Variants in NME7 observed in about 807,000 individuals in gnomAD.
NME7 encodes the protein nucleoside diphosphate kinase 7.
Under a neutral mutation model 49.1 loss-of-function variants are expected in NME7, and 41 were observed. The observed-to-expected ratio is 0.83, with a 90% CI of 0.65 to 1.08. NME7 has a LOEUF of 1.08. Among genes scored for constraint, NME7 ranks in the 50% least tolerant of loss-of-function variants. The pLI, the probability that NME7 is intolerant of heterozygous loss-of-function variation, is 0.00. For missense variants in NME7, 423 were observed against 463.4 expected, an observed-to-expected ratio of 0.91 and a Z score of 0.80; for synonymous variants, 139 against 150.6, an observed-to-expected ratio of 0.92 and a Z score of 0.56.
intron 1 of NME7, among the ~76,000 whole-genome samples, chr1:169,352,947 C>T (rs1653233684): frequency 1.3e-5 from 2 of 151,906 alleles, no homozygotes; most frequent in Admixed American, 6.6e-5. Context: ...TGGAAAGAAT[C>T]AATATTGTTA....
chr1:169,152,463 G>A (rs187366009), intron 11 of NME7, among the ~76,000 whole-genome samples: 2 of 152,294 alleles, frequency 1.3e-5, no homozygotes, highest in African/African-American at 4.8e-5. Flanking sequence ...TTGCTGTACT[G>A]AAAGTACTTA....
chr1:169,198,022 A>C (rs1338623425), intron 10 of NME7, among the ~76,000 whole-genome samples: 1 of 152,080 alleles, frequency 6.6e-6, no homozygotes, highest in Non-Finnish European at 1.5e-5. Flanking sequence ...AATAAAAATG[A>C]CTTAATTTAA....
At chr1:169,280,122 C>G (rs890111985) in intron 7 of NME7, among the ~76,000 whole-genome samples, 7 of 152,208 alleles carry the variant, frequency 4.6e-5, no homozygotes, top group Admixed American at 2.0e-4. Context: ...TCTCCAGCAT[C>G]TGTCATGTCC....
In NME7 at chr1:169,240,093, T is replaced by A. The variant is rs956808885; in HGVS notation, c.755-2406A>T. Among the ~76,000 whole-genome samples, 3 of 152,074 alleles carry A rather than the reference T, an allele frequency of 2.0e-5. No homozygotes were observed. The East Asian group carries it at 5.8e-4, about 29-fold the overall frequency. On this transcript the variant is annotated intron_variant, in intron 7 of 11. Coordinates refer to ENST00000367811, the MANE Select transcript of NME7 (RefSeq NM_013330.5). ...TAAAGTGTGCTTATTCTCCTTTACT[T>A]GACAAGTGGTAGTTTCTTAGCCTTT...
intron 6 of NME7, among the ~76,000 whole-genome samples, chr1:169,298,311 AC>A (rs1650790256): frequency 1.3e-5 from 2 of 152,194 alleles, no homozygotes; most frequent in Admixed American, 1.3e-4. Context: ...AGTCTTGGGA[AC>A]AAGAAACAGG....
intron 10 of NME7, among the ~76,000 whole-genome samples, chr1:169,173,741 T>C (rs1327350210): frequency 6.6e-6 from 1 of 152,182 alleles, no homozygotes; most frequent in Non-Finnish European, 1.5e-5. Flanking sequence ...TTCTAACAGA[T>C]TTACATTCCT....
chr1:169,151,299 G>A (rs762710856), intron 11 of NME7, among the ~76,000 whole-genome samples: 3 of 152,130 alleles, frequency 2.0e-5, no homozygotes, highest in Non-Finnish European at 4.4e-5. Flanking sequence ...GGTGCTTCAG[G>A]GGCAGCTGAT....
At chr1:169,169,059 T>G in intron 11 of NME7, 2 of 465,352 alleles carry the variant, frequency 4.3e-6, no homozygotes, top group Non-Finnish European at 8.4e-6. Flanking sequence ...AAAATCAAAA[T>G]GTATGCCAAC....
In NME7 at chr1:169,235,133, G is replaced by A; in HGVS notation, c.886C>T (p.His296Tyr). The A allele has an allele frequency of 6.7e-7, 1 of 1,492,282 alleles. No individual in the cohort carries two copies. Among genetic ancestry groups the A allele is most frequent in the Non-Finnish European group, 9.2e-7 (1 of 1,082,576 alleles). 92.4% of individuals were successfully genotyped at this position (1,492,282 alleles called of 1,614,324 possible). ...EVYKGVVTEY[H>Y]DMVTEMYSGP... ...TTTACATTTACTTTTATACTTACAT[G>A]ATATTCGGTCACTACTCCTTTATAA... Residue 296 changes from histidine (H) to tyrosine (Y), a missense_variant and splice_region_variant, in exon 9 of 12, where the codon CAT (histidine) becomes TAT (tyrosine). Transcript: ENST00000367811.
intron 11 of NME7, among the ~76,000 whole-genome samples, chr1:169,140,726 T>TAA (rs57572886): frequency 7.0e-6 from 1 of 143,170 alleles, no homozygotes. Context: ...AGTCTATCCT[T>TAA]AAAAAAAAAA....
At chr1:169,197,970 T>C (rs1660435644) in intron 10 of NME7, among the ~76,000 whole-genome samples, 1 of 152,062 alleles carries the variant, frequency 6.6e-6, no homozygotes, top group Admixed American at 6.6e-5. Context: ...ATATCTCTGA[T>C]AAGGGACTTT....
chr1:169,257,127 T>A lies in NME7; in HGVS notation c.755-19440A>T, dbSNP rs533583506. ...CTTCCTGGCTGCTTTGTTTACCTAATCAAGCCTGAGCAATGGCGGGCGCCC... is the reference window on the plus strand; with the variant it reads ...CTTCCTGGCTGCTTTGTTTACCTAAACAAGCCTGAGCAATGGCGGGCGCCC... On this transcript the variant is annotated intron_variant, in intron 7 of 11. Coordinates refer to ENST00000367811, the MANE Select transcript of NME7 (RefSeq NM_013330.5). Among the ~76,000 whole-genome samples, 97 of 135,388 alleles carry A rather than the reference T, an allele frequency of 7.2e-4. 16 individuals are homozygous for A. The highest frequency in any genetic ancestry group is 2.3e-3 in the African/African-American group (93 of 40,022). 88.8% of individuals were successfully genotyped at this position (135,388 alleles called of 152,430 possible).
chr1:169,242,637 T>C (rs1191546652), intron 7 of NME7, among the ~76,000 whole-genome samples: 1 of 151,534 alleles, frequency 6.6e-6, no homozygotes, highest in African/African-American at 2.4e-5. Context: ...TATAACTGTC[T>C]CTATTTGTAT....
intron 7 of NME7, among the ~76,000 whole-genome samples, chr1:169,239,664 T>TA (rs370172724): frequency 2.0e-5 from 3 of 151,850 alleles, no homozygotes; most frequent in African/African-American, 7.2e-5. Flanking sequence ...TACCAACAGA[T>TA]AGAGTTATAA....
At position 169,132,753 on chromosome 1, in the gene NME7, C is replaced by A; in HGVS notation, c.*32G>T. On this transcript the variant is annotated 3_prime_UTR_variant, in exon 12 of 12. Transcript: ENST00000367811. ...GTGTGATTCACTCTTGTCTAAATGTCCCAACCTGTGACTTCTTTACTTTCC... is the reference window on the plus strand; with the variant it reads ...GTGTGATTCACTCTTGTCTAAATGTACCAACCTGTGACTTCTTTACTTTCC... 1 of 1,605,070 alleles carries A rather than the reference C, an allele frequency of 6.2e-7. No individual in the cohort carries two copies. Among genetic ancestry groups the A allele is most frequent in the African/African-American group, 1.3e-5 (1 of 74,768 alleles).
chr1:169,200,352 T>C (rs1040757206), intron 10 of NME7, among the ~76,000 whole-genome samples: 6 of 152,060 alleles, frequency 3.9e-5, no homozygotes, highest in South Asian at 2.1e-4. Flanking sequence ...CCTTGAGTGG[T>C]TGGAAATTCA....
At chr1:169,323,398 T>C in intron 2 of NME7, 115 bp from the exon 3 acceptor site, 1 of 799,218 alleles carries the variant, frequency 1.3e-6, no homozygotes. Flanking sequence ...AGATAGGTTA[T>C]ATTCTGTTTC....
rs115817938 is a variant in NME7 at position 169,298,167 on chromosome 1, T to C, written c.648+389A>G. Among the ~76,000 whole-genome samples the C allele has an allele frequency of 7.5e-3, 1,148 of 152,302 alleles. 16 individuals carry two copies. Among genetic ancestry groups the C allele is most frequent in the African/African-American group, 0.026 (1,098 of 41,574 alleles). On this transcript the variant is annotated intron_variant, in intron 6 of 11. Coordinates refer to ENST00000367811, the MANE Select transcript of NME7 (RefSeq NM_013330.5). ...ATAGGAAAATAATAGGATGTTAAGC[T>C]TGAAAGCACAGTGTTACGTCTGAAT...
At chr1:169,169,355 C>T in intron 11 of NME7, 92 bp downstream of exon 11, 2 of 1,122,468 alleles carry the variant, frequency 1.8e-6, no homozygotes, top group Non-Finnish European at 2.6e-6. Context: ...TGAAGTATAA[C>T]AATAAAACAA....
Sources: gnomAD v4.1 joint callset for allele counts (sites outside exome capture counted in the v4.1 genomes callset) on GRCh38, gnomAD v4.1.1 for gene constraint, MANE v1.5 for transcripts, NCBI Gene and HGNC (gene_info 2026-07-23, HGNC 2026-07-21) for gene names.